Variants in INPP5A observed in about 807,000 individuals in gnomAD.
INPP5A encodes the protein inositol polyphosphate-5-phosphatase A.
A neutral mutation model predicts 65.2 loss-of-function variants in INPP5A; 14 were observed. That is an observed-to-expected ratio of 0.21 (90% CI 0.14 to 0.34). The LOEUF (loss-of-function observed/expected upper bound fraction) is 0.34, where lower values mean the gene tolerates loss of function less well. Among genes scored for constraint, INPP5A ranks in the 10% least tolerant of loss-of-function variants. The pLI is 1.00. For synonymous variants in INPP5A, 207 were observed against 208.3 expected, an observed-to-expected ratio of 0.99 and a Z score of 0.05; for missense variants, 431 against 545.6, an observed-to-expected ratio of 0.79 and a Z score of 2.09.
At chr10:132,777,936 A>C in intron 13 of INPP5A, 154 bp downstream of exon 13, 1 of 1,465,058 alleles carries the variant, frequency 6.8e-7, no homozygotes, top group Non-Finnish European at 9.0e-7. Flanking sequence ...CATGAGCTGC[A>C]CCCCAGCATT....
At chr10:132,687,017 T>C (rs1845146700) in intron 4 of INPP5A, among the ~76,000 whole-genome samples, 1 of 152,234 alleles carries the variant, frequency 6.6e-6, no homozygotes, top group Admixed American at 6.5e-5. Context: ...TGATCTCAGC[T>C]CACTGCAACC....
At chr10:132,611,646 T>C (rs1249623650) in intron 2 of INPP5A, among the ~76,000 whole-genome samples, 1 of 76,874 alleles carries the variant, frequency 1.3e-5, no homozygotes, top group Non-Finnish European at 2.6e-5. Context: ...GTGAGGGAGG[T>C]GAGGTGGGCA....
chr10:132,610,817 T>C (rs2071935506), intron 2 of INPP5A, among the ~76,000 whole-genome samples: 1 of 152,262 alleles, frequency 6.6e-6, no homozygotes, highest in Non-Finnish European at 1.5e-5. Context: ...GAAGAAGCTC[T>C]TGTTCTCCAG....
chr10:132,709,273 A>G (rs1190141860), intron 7 of INPP5A, among the ~76,000 whole-genome samples: 86 of 54,938 alleles, frequency 1.6e-3, no homozygotes, highest in Non-Finnish European at 2.4e-3. Context: ...GGAGGGAGGG[A>G]GGGGGGAGGA....
rs117252959 is a variant in INPP5A at position 132,631,700 on chromosome 10, C to G, written c.118-14168C>G. 4.4e-3 allele frequency among the ~76,000 whole-genome samples: 674 copies of G among 152,370 alleles called. 29 individuals carry two copies. In the East Asian group the frequency reaches 0.092, roughly 21 times the overall value. ...TCCTGGGAACCAGGGGCCCTTCGTG[C>G]TGGGCCCCGCTCCGCGGCAGAAGCA... On this transcript the variant is annotated intron_variant, in intron 2 of 15. Transcript: ENST00000368594.
intron 11 of INPP5A, among the ~76,000 whole-genome samples, chr10:132,763,094 C>T (rs1554958124): frequency 6.6e-6 from 1 of 152,234 alleles, no homozygotes; most frequent in Non-Finnish European, 1.5e-5. Context: ...ATCTGATCCC[C>T]TCCTGCCAGT....
chr10:132,775,633 T>G (rs1240793614), intron 12 of INPP5A, among the ~76,000 whole-genome samples: 1 of 152,122 alleles, frequency 6.6e-6, no homozygotes, highest in Non-Finnish European at 1.5e-5. Flanking sequence ...CACCCAGGCT[T>G]CTTCCTCCTG....
At chr10:132,702,927 C>T (rs1345984493) in intron 6 of INPP5A, among the ~76,000 whole-genome samples, 1 of 152,140 alleles carries the variant, frequency 6.6e-6, no homozygotes, top group Admixed American at 6.5e-5. Flanking sequence ...GGGGGAGTGG[C>T]AGGGGCACTA....
Position 132,656,213 on chromosome 10 carries a change from C to T in INPP5A, c.306+5708C>T, listed in dbSNP as rs2072654844. On this transcript the variant is annotated intron_variant, in intron 4 of 15. Coordinates refer to ENST00000368594, the MANE Select transcript of INPP5A (RefSeq NM_005539.5). ...CTCTCCATGCAGCTCCTTCATCCAC[C>T]CACCTGGAGGAACTCCTAGAGGGAA... Among the ~76,000 whole-genome samples the T allele has an allele frequency of 3.3e-5, 5 of 152,180 alleles. No individual in the cohort carries two copies. The South Asian group carries it at 1.0e-3, about 32-fold the overall frequency.
At chr10:132,585,749 C>T (rs1003739729) in intron 1 of INPP5A, among the ~76,000 whole-genome samples, 2 of 152,254 alleles carry the variant, frequency 1.3e-5, no homozygotes, top group Admixed American at 6.5e-5. Context: ...TCTTTTTCCA[C>T]ATCCTCTGCT....
At chr10:132,664,224 C>T (rs1042449976) in intron 4 of INPP5A, among the ~76,000 whole-genome samples, 1 of 152,190 alleles carries the variant, frequency 6.6e-6, no homozygotes, top group Non-Finnish European at 1.5e-5. Flanking sequence ...CAAATTCTTG[C>T]GGGTCCCTCA....
At chr10:132,669,357 G>A (rs1053686788) in intron 4 of INPP5A, among the ~76,000 whole-genome samples, 17 of 152,170 alleles carry the variant, frequency 1.1e-4, no homozygotes, top group African/African-American at 3.9e-4. Context: ...CCTGTGAGGC[G>A]GGTTCCCTGG....
At chr10:132,606,988 C>A (rs906064660) in intron 1 of INPP5A, among the ~76,000 whole-genome samples, 6 of 152,194 alleles carry the variant, frequency 3.9e-5, no homozygotes, top group Admixed American at 6.5e-5. Flanking sequence ...CTGACTCTGT[C>A]CCCTCACGGT....
chr10:132,611,506 G>A (rs190418523), intron 2 of INPP5A, among the ~76,000 whole-genome samples: 23 of 147,052 alleles, frequency 1.6e-4, no homozygotes, highest in African/African-American at 4.8e-4. Context: ...GGAGGGTGAC[G>A]GAGGTGAGGT....
intron 8 of INPP5A, among the ~76,000 whole-genome samples, chr10:132,710,708 G>A (rs976112358): frequency 2.0e-5 from 3 of 151,330 alleles, no homozygotes; most frequent in African/African-American, 7.3e-5. Flanking sequence ...TGGCAGGTAG[G>A]TGTGCTGGGC....
chr10:132,728,806 G>A (rs1424592312), intron 9 of INPP5A, among the ~76,000 whole-genome samples: 1 of 152,216 alleles, frequency 6.6e-6, no homozygotes, highest in Non-Finnish European at 1.5e-5. Flanking sequence ...CCGTGGTGAG[G>A]CACGCACTGG....
intron 1 of INPP5A, among the ~76,000 whole-genome samples, chr10:132,565,607 G>A (rs561413725): frequency 6.6e-6 from 1 of 152,056 alleles, no homozygotes; most frequent in Non-Finnish European, 1.5e-5. Context: ...GTATGTCACT[G>A]TGTGTGCATG....
chr10:132,687,102 G>A (rs909973387), intron 4 of INPP5A, among the ~76,000 whole-genome samples: 8 of 152,136 alleles, frequency 5.3e-5, no homozygotes, highest in African/African-American at 1.9e-4. Context: ...ATGCCACCAC[G>A]CCTGGCTGAT....
intron 12 of INPP5A, among the ~76,000 whole-genome samples, chr10:132,771,782 A>G (rs1420475018): frequency 8.5e-6 from 1 of 117,886 alleles, no homozygotes; most frequent in Non-Finnish European, 1.8e-5. Flanking sequence ...AGTGGGACGG[A>G]CACTCAGCAC....
Sources: allele counts gnomAD v4.1 joint callset (sites outside exome capture counted in the v4.1 genomes callset), GRCh38; gene constraint gnomAD v4.1.1; transcripts MANE v1.5; gene names NCBI Gene and HGNC (gene_info 2026-07-23, HGNC 2026-07-21).